The following SPATA17 variants were observed in gnomAD, a reference collection of about 807,000 sequenced individuals.
SPATA17 encodes spermatogenesis associated 17.
In SPATA17, 53 loss-of-function variants were observed where a neutral mutation model predicts 62.2. The ratio of observed to expected loss-of-function variants is 0.85; its 90% CI spans 0.68 to 1.07. SPATA17 has a LOEUF of 1.07. SPATA17 is among the 50% of genes least tolerant of loss of function. SPATA17 has a pLI of 0.00. For missense variants in SPATA17, 466 were observed against 425.5 expected (o/e 1.10, Z -0.84); for synonymous variants, 146 against 146.8 (o/e 0.99, Z 0.04).
intron 5 of SPATA17, among the ~76,000 whole-genome samples, chr1:217,689,519 C>T (rs1013815806): frequency 2.0e-5 from 3 of 152,194 alleles, no homozygotes; most frequent in Admixed American, 6.5e-5. Context: ...AGCCACCACA[C>T]GATGTCTTTT....
intron 6 of SPATA17, 84 bp from the exon 7 acceptor site, chr1:217,774,250 A>G (rs1673531072): frequency 1.7e-6 from 2 of 1,174,236 alleles, no homozygotes; most frequent in Non-Finnish European, 2.4e-6. Context: ...CTTTAAACAT[A>G]AGAAAAAATT....
chr1:217,710,977 T>C (rs1671848261), intron 5 of SPATA17, among the ~76,000 whole-genome samples: 2 of 152,224 alleles, frequency 1.3e-5, no homozygotes, highest in African/African-American at 4.8e-5. Flanking sequence ...CATGTTGTAG[T>C]ATATGTATAT....
chr1:217,664,616 C>T (rs181865459), intron 3 of SPATA17, among the ~76,000 whole-genome samples: 91 of 151,898 alleles, frequency 6.0e-4, no homozygotes, highest in African/African-American at 2.1e-3. Context: ...TACCCTATAG[C>T]GGGAGCAGGT....
At chr1:217,850,689 A>G in intron 9 of SPATA17, 1 of 1,380,318 alleles carries the variant, frequency 7.2e-7, no homozygotes. Context: ...GTCCAGCCAC[A>G]GGAACACCTC....
intron 9 of SPATA17, among the ~76,000 whole-genome samples, chr1:217,849,164 C>CT (rs1371875090): frequency 6.6e-6 from 1 of 152,090 alleles, no homozygotes; most frequent in Admixed American, 6.6e-5. Flanking sequence ...ATGTTAGATG[C>CT]TTTCCTCAGA....
intron 4 of SPATA17, among the ~76,000 whole-genome samples, chr1:217,673,971 T>C (rs1383564335): frequency 6.6e-6 from 1 of 152,178 alleles, no homozygotes; most frequent in African/African-American, 2.4e-5. Flanking sequence ...GCTGACCCCA[T>C]CCAGGAAGAA....
intron 6 of SPATA17, among the ~76,000 whole-genome samples, chr1:217,773,771 A>G (rs949712044): frequency 6.6e-6 from 1 of 152,166 alleles, no homozygotes; most frequent in Admixed American, 6.5e-5. Context: ...TATAGCCTAT[A>G]TTATAGGTGA....
intron 5 of SPATA17, among the ~76,000 whole-genome samples, chr1:217,741,140 C>T (rs77828236): frequency 6.6e-6 from 1 of 152,056 alleles, no homozygotes; most frequent in African/African-American, 2.4e-5. Flanking sequence ...AAGTTACTTA[C>T]CTACTTTTTT....
chr1:217,667,824 C>T (rs779075659), intron 3 of SPATA17, among the ~76,000 whole-genome samples: 3 of 152,204 alleles, frequency 2.0e-5, no homozygotes, highest in Admixed American at 2.0e-4. Context: ...ACACCAATTA[C>T]GCCTTGCTTA....
At chr1:217,864,949 TG>T (rs1389089223) in intron 10 of SPATA17, among the ~76,000 whole-genome samples, 1 of 152,198 alleles carries the variant, frequency 6.6e-6, no homozygotes, top group Non-Finnish European at 1.5e-5. Flanking sequence ...AAATATGTTA[TG>T]GTTTTTTTTA....
chr1:217,844,519 G>C (rs1358404522), intron 9 of SPATA17, among the ~76,000 whole-genome samples: 1 of 151,974 alleles, frequency 6.6e-6, no homozygotes, highest in Non-Finnish European at 1.5e-5. Context: ...TCTGGAATGG[G>C]GTATTTGAGA....
At chr1:217,703,171 G>A (rs1440135985) in intron 5 of SPATA17, among the ~76,000 whole-genome samples, 13 of 107,998 alleles carry the variant, frequency 1.2e-4, no homozygotes, top group Admixed American at 1.1e-3. Context: ...CATTGCGCTC[G>A]GCCTTTTTTT....
intron 1 of SPATA17, among the ~76,000 whole-genome samples, chr1:217,636,768 T>A (rs2102874295): frequency 6.6e-6 from 1 of 152,354 alleles, no homozygotes; most frequent in East Asian, 1.9e-4. Flanking sequence ...TGCTTTTATT[T>A]TTCCCATTTC....
At chr1:217,809,600 G>A (rs1395970067) in intron 9 of SPATA17, among the ~76,000 whole-genome samples, 1 of 152,030 alleles carries the variant, frequency 6.6e-6, no homozygotes. Flanking sequence ...ACCCTTGAGG[G>A]AATGAATCCA....
At chr1:217,764,747 T>G (rs1432331321) in intron 6 of SPATA17, among the ~76,000 whole-genome samples, 4 of 152,192 alleles carry the variant, frequency 2.6e-5, no homozygotes, top group Admixed American at 1.3e-4. Flanking sequence ...GTATCCAGTG[T>G]TCTGTATTTT....
chr1:217,805,188 A>T (rs1571816873), intron 9 of SPATA17, among the ~76,000 whole-genome samples: 1 of 152,238 alleles, frequency 6.6e-6, no homozygotes, highest in African/African-American at 2.4e-5. Context: ...ACATTGGAAT[A>T]CTATTCAGCT....
intron 4 of SPATA17, among the ~76,000 whole-genome samples, chr1:217,678,854 T>C (rs535114014): frequency 6.6e-6 from 1 of 152,286 alleles, no homozygotes; most frequent in South Asian, 2.1e-4. Context: ...ACAATAATTG[T>C]TTTATACCAA....
In SPATA17 at chr1:217,690,952, G is replaced by A. The variant is rs1023012452; in HGVS notation, c.395+7591G>A. ...GTGAATAATGCCGCAATAAACGTAC[G>A]TGTGCATGTGTCTTTATAGCAGCAT... On this transcript the variant is annotated intron_variant, in intron 5 of 10. Coordinates refer to ENST00000366933, the MANE Select transcript of SPATA17 (RefSeq NM_138796.4). Among the ~76,000 whole-genome samples, 60 of 146,840 alleles carry A rather than the reference G, an allele frequency of 4.1e-4. 1 individual carries two copies. In the East Asian group the frequency reaches 7.3e-3, roughly 18 times the overall value.
At chr1:217,852,602 G>T (rs1466913988) in intron 9 of SPATA17, among the ~76,000 whole-genome samples, 2 of 152,188 alleles carry the variant, frequency 1.3e-5, no homozygotes, top group African/African-American at 4.8e-5. Flanking sequence ...CTGTTTCATT[G>T]CTTGATGCTG....
Sources: allele counts gnomAD v4.1 joint callset (sites outside exome capture counted in the v4.1 genomes callset), GRCh38; gene constraint gnomAD v4.1.1; transcripts MANE v1.5; gene names NCBI Gene and HGNC (gene_info 2026-07-23, HGNC 2026-07-21).